Variants in APBB2 observed in about 807,000 individuals in gnomAD.
APBB2 encodes the protein Fe65-like 1.
APBB2 carries 38 observed loss-of-function variants against 82.5 expected under a neutral mutation model. That is an observed-to-expected ratio of 0.46 (90% CI 0.36 to 0.60). The LOEUF is 0.60. APBB2 is among the 20% of genes least tolerant of loss of function. The pLI, the probability that APBB2 is intolerant of heterozygous loss-of-function variation, is 0.00. For synonymous variants in APBB2, 341 were observed against 368.2 expected, an observed-to-expected ratio of 0.93 and a Z score of 0.85; for missense variants, 772 against 972.3, an observed-to-expected ratio of 0.79 and a Z score of 2.74.
chr4:41,179,445 T>C (rs759033842), intron 1 of APBB2, among the ~76,000 whole-genome samples: 1 of 152,214 alleles, frequency 6.6e-6, no homozygotes, highest in Admixed American at 6.5e-5. Context: ...ACAGGTAAAG[T>C]ATCCCCAGGT....
At position 41,159,913 on chromosome 4, in the gene APBB2, G is replaced by GGAGA. The variant is rs1553969525; in HGVS notation, c.-416-16772_-416-16771insTCTC. 2.4e-3 allele frequency among the ~76,000 whole-genome samples: 54 copies of GGAGA among 22,582 alleles called. 5 individuals carry two copies. The highest frequency in any genetic ancestry group is 4.0e-3 in the African/African-American group (29 of 7,248). 14.8% of individuals were successfully genotyped at this position (22,582 alleles called of 152,430 possible). A position where few individuals can be genotyped will look rare whatever the true frequency, so the allele number is the denominator to read the frequency against. ...AAAAAGGAAGAAGAAGGAGAAGGAG[G>GGAGA]AGGAGGAGGAGGAGGAGGAGGAGGA... On this transcript the variant is annotated intron_variant, in intron 1 of 17. Coordinates refer to ENST00000508593, the MANE Select transcript of APBB2 (RefSeq NM_004307.2).
chr4:41,082,308 ATT>A (rs1737924646), intron 3 of APBB2, among the ~76,000 whole-genome samples: 1 of 152,190 alleles, frequency 6.6e-6, no homozygotes, highest in Non-Finnish European at 1.5e-5. Flanking sequence ...CACAGTACTT[ATT>A]TTTGATAAGT....
intron 6 of APBB2, among the ~76,000 whole-genome samples, chr4:40,949,165 G>T (rs1789350690): frequency 6.6e-6 from 1 of 151,988 alleles, no homozygotes; most frequent in Non-Finnish European, 1.5e-5. Context: ...AGCTACTCGG[G>T]AGGCTGAGGC....
intron 12 of APBB2, among the ~76,000 whole-genome samples, chr4:40,845,257 C>T (rs756009530): frequency 2.0e-5 from 3 of 152,136 alleles, no homozygotes; most frequent in Non-Finnish European, 2.9e-5. Flanking sequence ...ACCAATTCAG[C>T]ACCTTGTAAA....
chr4:41,053,450 T>C (rs191023005), intron 4 of APBB2, among the ~76,000 whole-genome samples: 1 of 152,090 alleles, frequency 6.6e-6, no homozygotes. Flanking sequence ...CAGGATAACT[T>C]TTTTCTATAA....
chr4:40,962,126 A>G (rs988295928), intron 6 of APBB2, among the ~76,000 whole-genome samples: 28 of 152,314 alleles, frequency 1.8e-4, no homozygotes, highest in African/African-American at 6.5e-4. Flanking sequence ...CCAGCAATGA[A>G]AAAGTGATAT....
chr4:40,885,991 A>T (rs1420627206), intron 12 of APBB2, among the ~76,000 whole-genome samples: 2 of 152,114 alleles, frequency 1.3e-5, no homozygotes, highest in Admixed American at 6.5e-5. Flanking sequence ...AGCCTCTTGG[A>T]AACATCCCAT....
At chr4:41,207,298 A>T (rs1206789507) in intron 1 of APBB2, among the ~76,000 whole-genome samples, 1 of 152,118 alleles carries the variant, frequency 6.6e-6, no homozygotes, top group Non-Finnish European at 1.5e-5. Flanking sequence ...AAAGGTGAAT[A>T]ACAGCAATTC....
intron 10 of APBB2, among the ~76,000 whole-genome samples, chr4:40,925,005 G>A (rs1295984168): frequency 6.6e-6 from 1 of 151,986 alleles, no homozygotes; most frequent in African/African-American, 2.4e-5. Flanking sequence ...GGGGGGAGAG[G>A]GAATCACTAA....
intron 5 of APBB2, among the ~76,000 whole-genome samples, chr4:41,029,141 T>C (rs1339341928): frequency 2.6e-5 from 4 of 152,242 alleles, no homozygotes; most frequent in Admixed American, 6.5e-5. Flanking sequence ...TTTATTTTTC[T>C]GCTATACAAT....
intron 3 of APBB2, among the ~76,000 whole-genome samples, chr4:41,071,814 A>AT (rs200369190): frequency 2.5e-4 from 38 of 151,974 alleles, no homozygotes; most frequent in African/African-American, 8.2e-4. Flanking sequence ...TAGTGGATTA[A>AT]TTTTTTTTTC....
chr4:41,161,488 G>A (rs1462183230), intron 1 of APBB2, among the ~76,000 whole-genome samples: 1 of 152,114 alleles, frequency 6.6e-6, no homozygotes, highest in Non-Finnish European at 1.5e-5. Context: ...CACCTGCAGT[G>A]CCAGCTACTC....
At chr4:41,175,118 T>TA (rs1769398398) in intron 1 of APBB2, among the ~76,000 whole-genome samples, 1 of 152,196 alleles carries the variant, frequency 6.6e-6, no homozygotes, top group African/African-American at 2.4e-5. Flanking sequence ...CCAGCCTAGT[T>TA]AGATAGGTTA....
rs1309076701 is a variant in APBB2 at position 41,159,946 on chromosome 4, A to AAGG, written c.-416-16807_-416-16805dup. Among the ~76,000 whole-genome samples the AAGG allele has an allele frequency of 9.1e-3, 430 of 47,386 alleles. 10 individuals are homozygous for AAGG. Among genetic ancestry groups the AAGG allele is most frequent in the African/African-American group, 0.026 (281 of 10,838 alleles). 31.1% of individuals were successfully genotyped at this position (47,386 alleles called of 152,430 possible). On this transcript the variant is annotated intron_variant, in intron 1 of 17. Transcript: ENST00000508593. ...GGAGGAGGAGGAGGAGGAGGAGGAG[A>AAGG]AGGAGAAGGAGAAGGAGAAGAAGAA...
Position 40,832,011 on chromosome 4 carries a change from T to C in APBB2, c.1530-1434A>G, listed in dbSNP as rs1048192888. On this transcript the variant is annotated intron_variant, in intron 12 of 17. Coordinates refer to ENST00000508593, the MANE Select transcript of APBB2 (RefSeq NM_004307.2). The surrounding 1 kb of genome is among the most constrained non-coding windows in gnomAD (Gnocchi z 4.8). Reference sequence around the variant, plus strand: ...ACACACATATTTATATATTTATTTATATACACACACACACACACACACACA... The same window carrying C: ...ACACACATATTTATATATTTATTTACATACACACACACACACACACACACA... 1.8e-4 allele frequency among the ~76,000 whole-genome samples: 9 copies of C among 49,578 alleles called. No individual in the cohort carries two copies. Among genetic ancestry groups the C allele is most frequent in the African/African-American group, 3.7e-4 (7 of 19,150 alleles). The allele number at this position is 49,578 out of a possible 152,430, so 32.5% of individuals were successfully genotyped here. A position where few individuals can be genotyped will look rare whatever the true frequency, so the allele number is the denominator to read the frequency against.
At chr4:41,126,280 A>T (rs1311255590) in intron 2 of APBB2, among the ~76,000 whole-genome samples, 1 of 151,642 alleles carries the variant, frequency 6.6e-6, no homozygotes, top group Non-Finnish European at 1.5e-5. Flanking sequence ...GCTACTTGGG[A>T]GGCTGAAGCA....
intron 1 of APBB2, among the ~76,000 whole-genome samples, chr4:41,194,539 C>T: frequency 1.6e-4 from 25 of 152,060 alleles, no homozygotes; most frequent in Admixed American, 1.3e-3. Flanking sequence ...AAAAATTAGC[C>T]GGGCATGGTG....
intron 2 of APBB2, among the ~76,000 whole-genome samples, chr4:41,111,718 T>G (rs1749259112): frequency 6.6e-6 from 1 of 152,226 alleles, no homozygotes; most frequent in South Asian, 2.1e-4. Context: ...TCCATCTTTA[T>G]TTAAGCAACA....
chr4:40,955,778 C>CT (rs987700215), intron 6 of APBB2, among the ~76,000 whole-genome samples: 143 of 147,412 alleles, frequency 9.7e-4, no homozygotes, highest in South Asian at 1.5e-3. Flanking sequence ...TTTTCTTTTT[C>CT]TTTTTTTTTT....
Sources: allele counts gnomAD v4.1 joint callset (sites outside exome capture counted in the v4.1 genomes callset), GRCh38; gene constraint gnomAD v4.1.1; non-coding constraint Gnocchi (gnomAD v3.1); transcripts MANE v1.5; gene names NCBI Gene and HGNC (gene_info 2026-07-23, HGNC 2026-07-21).